The following ZNF681 variants were observed in gnomAD, a reference collection of about 807,000 sequenced individuals.
The protein encoded by ZNF681 is hypothetical protein FLJ31526.
A neutral mutation model predicts 56.0 loss-of-function variants in ZNF681; 37 were observed. That is an observed-to-expected ratio of 0.66 (90% CI 0.51 to 0.87). The LOEUF (loss-of-function observed/expected upper bound fraction) is 0.87. Ranked by LOEUF, ZNF681 falls within the 40% of genes least tolerant of loss-of-function variation. The pLI, the probability that ZNF681 is intolerant of heterozygous loss-of-function variation, is 0.00. For synonymous variants in ZNF681, 225 were observed against 248.6 expected (o/e 0.91, Z 0.89); for missense variants, 741 against 744.9 (o/e 0.99, Z 0.06).
intron 1 of ZNF681, among the ~76,000 whole-genome samples, chr19:23,756,366 A>G (rs1969119113): frequency 1.3e-5 from 2 of 151,872 alleles, no homozygotes; most frequent in African/African-American, 4.8e-5. Flanking sequence ...CACTATTTAC[A>G]ATAGCAAAGA....
In ZNF681 at chr19:23,741,147, A is replaced by C. The variant is rs10500221; in HGVS notation, c.*2465T>G. Reference sequence around the variant, plus strand: ...CTCTTCTGAAACTAGGTAGAAACTCATACTCGCAAAGAAGGCATTTATTTA... The same window carrying C: ...CTCTTCTGAAACTAGGTAGAAACTCCTACTCGCAAAGAAGGCATTTATTTA... On this transcript the variant is annotated 3_prime_UTR_variant, in exon 4 of 4. Coordinates refer to ENST00000402377, the MANE Select transcript of ZNF681 (RefSeq NM_138286.3). 1 of 152,148 alleles carries C rather than the reference A, an allele frequency of 6.6e-6. No homozygotes were observed. Among genetic ancestry groups the C allele is most frequent in the East Asian group, 1.9e-4 (1 of 5,194 alleles). The allele number at this position is 152,148 out of a possible 1,614,324, so 9.4% of individuals were successfully genotyped here. A position where few individuals can be genotyped will look rare whatever the true frequency, so the allele number is the denominator to read the frequency against.
chr19:23,748,397 G>A (rs1968976737), intron 3 of ZNF681, among the ~76,000 whole-genome samples: 2 of 152,128 alleles, frequency 1.3e-5, no homozygotes, highest in South Asian at 4.2e-4. Context: ...GTCACTCCCT[G>A]GTGCCATGCT....
intron 3 of ZNF681, among the ~76,000 whole-genome samples, chr19:23,749,937 T>C (rs1662153629): frequency 6.6e-6 from 1 of 151,544 alleles, no homozygotes; most frequent in Non-Finnish European, 1.5e-5. Context: ...ATAAAACTAT[T>C]TCCATGACTA....
chr19:23,753,717 T>G (rs1321132920), intron 3 of ZNF681, among the ~76,000 whole-genome samples: 1 of 151,680 alleles, frequency 6.6e-6, no homozygotes. Flanking sequence ...AAAAATTAGC[T>G]GGGCCTGGTG....
chr19:23,746,843 G>C (rs1292709222), intron 3 of ZNF681, among the ~76,000 whole-genome samples: 1 of 152,228 alleles, frequency 6.6e-6, no homozygotes, highest in Admixed American at 6.5e-5. Flanking sequence ...AGGAATACCA[G>C]GTGGGTGCTG....
chr19:23,740,161 GT>G lies in ZNF681; in HGVS notation c.*3450del, dbSNP rs1968860333. ...CATCTGTGGACACTGTATGCTTTTT[GT>G]TTTAATTTAACTGATCAGAAAATTA... On this transcript the variant is annotated 3_prime_UTR_variant, in exon 4 of 4. Coordinates refer to ENST00000402377, the MANE Select transcript of ZNF681 (RefSeq NM_138286.3). 1 of 152,022 alleles carries G rather than the reference GT, an allele frequency of 6.6e-6. No homozygotes were observed. The highest frequency in any genetic ancestry group is 6.6e-5 in the Admixed American group (1 of 15,260). 9.4% of individuals were successfully genotyped at this position (152,022 alleles called of 1,614,324 possible). A position where few individuals can be genotyped will look rare whatever the true frequency, so the allele number is the denominator to read the frequency against.
rs772421787 is a variant in ZNF681 at position 23,744,036 on chromosome 19, G to C, written c.1514C>G (p.Ser505Cys). The C allele has an allele frequency of 6.2e-7, 1 of 1,612,884 alleles. No individual in the cohort carries two copies. The highest frequency in any genetic ancestry group is 1.1e-5 in the South Asian group (1 of 91,042). ...THKRIHTGEK[S>C]YKCEECGKAF... is the part of the protein sequence containing the mutation. ...TTTGCCACATTCTTCACATTTGTAG[G>C]ATTTCTCTCCAGTATGAATTCTCTT... The change falls in exon 4 of 4, where the codon TCC (serine) becomes TGC (cysteine). Residue 505 changes from serine (S) to cysteine (C), a missense_variant. Transcript: ENST00000402377.
chr19:23,741,146 C>T lies in ZNF681; in HGVS notation c.*2466G>A, dbSNP rs563690374. On this transcript the variant is annotated 3_prime_UTR_variant, in exon 4 of 4. Coordinates refer to ENST00000402377, the MANE Select transcript of ZNF681 (RefSeq NM_138286.3). ...GCTCTTCTGAAACTAGGTAGAAACT[C>T]ATACTCGCAAAGAAGGCATTTATTT... 2 of 152,210 alleles carry T rather than the reference C, an allele frequency of 1.3e-5. No individual in the cohort carries two copies. Among genetic ancestry groups the T allele is most frequent in the South Asian group, 2.1e-4 (1 of 4,822 alleles). 9.4% of individuals were successfully genotyped at this position (152,210 alleles called of 1,614,324 possible). A position where few individuals can be genotyped will look rare whatever the true frequency, so the allele number is the denominator to read the frequency against.
At chr19:23,747,408 G>A (rs902659713) in intron 3 of ZNF681, among the ~76,000 whole-genome samples, 5 of 152,004 alleles carry the variant, frequency 3.3e-5, no homozygotes, top group African/African-American at 1.2e-4. Context: ...GGGAGGCCGA[G>A]GCGGGCGTAT....
At chr19:23,746,379 A>G (rs1388039984) in intron 3 of ZNF681, among the ~76,000 whole-genome samples, 4 of 152,176 alleles carry the variant, frequency 2.6e-5, no homozygotes, top group African/African-American at 9.7e-5. Context: ...AGACTGTACA[A>G]GAAGTGCATG....
At chr19:23,750,374 AACAC>A (rs1242702606) in intron 3 of ZNF681, among the ~76,000 whole-genome samples, 3 of 152,126 alleles carry the variant, frequency 2.0e-5, no homozygotes, top group Non-Finnish European at 4.4e-5. Flanking sequence ...TTTACAGATA[AACAC>A]ACAAACATAT....
intron 2 of ZNF681, 23 bp from the exon 3 acceptor site, chr19:23,754,941 CAT>C (rs1969091203): frequency 2.5e-6 from 4 of 1,593,572 alleles, no homozygotes; most frequent in Non-Finnish European, 8.6e-7. Context: ...AAGTAAATAA[CAT>C]AAATCTTGCT....
intron 3 of ZNF681, 71 bp downstream of exon 3, chr19:23,754,752 A>G (rs954818711): frequency 5.0e-6 from 6 of 1,206,736 alleles, no homozygotes; most frequent in African/African-American, 4.6e-5. Flanking sequence ...CATTATAAGC[A>G]CTAGCTTTTT....
intron 3 of ZNF681, among the ~76,000 whole-genome samples, chr19:23,749,050 A>T (rs1968986233): frequency 1.3e-5 from 2 of 152,214 alleles, no homozygotes; most frequent in Admixed American, 1.3e-4. Context: ...TTGAATATTG[A>T]TGTTTACTGT....
In ZNF681 at chr19:23,743,811, T is replaced by C. The variant is rs779024031; in HGVS notation, c.1739A>G (p.His580Arg). Reference protein sequence around the residue: ...AFNQSSHLTRHKRIHTGEKPY... With the variant: ...AFNQSSHLTRRKRIHTGEKPY... Reference sequence around the variant, plus strand: ...TTTCTCTCCAGTATGAATTCTCTTATGTCTAGTAAGGTGTGAGGACTGGTT... The same window carrying C: ...TTTCTCTCCAGTATGAATTCTCTTACGTCTAGTAAGGTGTGAGGACTGGTT... The change falls in exon 4 of 4, where the codon CAT becomes CGT. Residue 580 changes from histidine to arginine, a missense_variant. His to Arg is a conservative substitution (Grantham distance 29, BLOSUM62 0). Transcript: ENST00000402377. 7 of 1,613,358 alleles carry C rather than the reference T, an allele frequency of 4.3e-6. No homozygotes were observed. Among genetic ancestry groups the C allele is most frequent in the Non-Finnish European group, 5.1e-6 (6 of 1,179,780 alleles).
rs772546057 is a variant in ZNF681 at position 23,743,959 on chromosome 19, C to G, written c.1591G>C (p.Glu531Gln). Residue 531 changes from glutamate (E) to glutamine (Q), a missense_variant, in exon 4 of 4, where the codon GAG (glutamate) becomes CAG (glutamine). Glu to Gln is a conservative substitution (Grantham distance 29). Coordinates refer to ENST00000402377, the MANE Select transcript of ZNF681 (RefSeq NM_138286.3). ...CATTCTTCACATGTGTAGGGTTTCT[C>G]TCCAGTATGAATTTTCTTATGTTCA... ...LTEHKKIHTG[E>Q]KPYTCEECGK... is the part of the protein sequence containing the mutation. 6.2e-7 allele frequency: 1 copy of G among 1,612,832 alleles called. No homozygotes were observed. Among genetic ancestry groups the G allele is most frequent in the African/African-American group, 1.3e-5 (1 of 74,930 alleles).
intron 3 of ZNF681, among the ~76,000 whole-genome samples, chr19:23,753,859 T>TAAAAAA (rs1448535488): frequency 6.3e-5 from 1 of 15,988 alleles, no homozygotes; most frequent in African/African-American, 2.2e-4. Flanking sequence ...AGACTTTGTC[T>TAAAAAA]CAAAAAAAAA....
chr19:23,754,908 GACA>G lies in ZNF681; in HGVS notation c.138_140del (p.Val47del), dbSNP rs550824038. The G allele has an allele frequency of 3.9e-4, 626 of 1,612,904 alleles. 5 individuals carry two copies. In the South Asian group the frequency reaches 5.7e-3, roughly 15 times the overall value. On this transcript the variant is annotated inframe_deletion, in exon 3 of 4. Coordinates refer to ENST00000402377, the MANE Select transcript of ZNF681 (RefSeq NM_138286.3). The stretch of plus-strand genomic sequence containing the variant: ...GACAGGTGATCAGGTCTGGCTTAGA[GACA>G]ACAATACCTGTTTTATTGAAAGTAA...
rs1301259526 is a variant in ZNF681 at position 23,740,507 on chromosome 19, C to T, written c.*3105G>A. Reference sequence around the variant, plus strand: ...TGTTATTTCTCACAATTGATATGTTCCATCTCTGTCTTGAAGTTACAAACT... The same window carrying T: ...TGTTATTTCTCACAATTGATATGTTTCATCTCTGTCTTGAAGTTACAAACT... On this transcript the variant is annotated 3_prime_UTR_variant, in exon 4 of 4. Coordinates refer to ENST00000402377, the MANE Select transcript of ZNF681 (RefSeq NM_138286.3). 1 of 152,130 alleles carries T rather than the reference C, an allele frequency of 6.6e-6. No homozygotes were observed. The highest frequency in any genetic ancestry group is 1.5e-5 in the Non-Finnish European group (1 of 68,018). 9.4% of individuals were successfully genotyped at this position (152,130 alleles called of 1,614,324 possible). A position where few individuals can be genotyped will look rare whatever the true frequency, so the allele number is the denominator to read the frequency against.
Sources: allele counts gnomAD v4.1 joint callset (sites outside exome capture counted in the v4.1 genomes callset), GRCh38; gene constraint gnomAD v4.1.1; transcripts MANE v1.5; gene names NCBI Gene and HGNC (gene_info 2026-07-23, HGNC 2026-07-21).